FAM13A: variants seen among roughly 807,000 people sequenced by gnomAD.
FAM13A encodes family with sequence similarity 13 member A, also known as protein FAM13A.
Under a neutral mutation model 129.6 loss-of-function variants are expected in FAM13A, and 76 were observed. The ratio of observed to expected loss-of-function variants is 0.59; its 90% CI spans 0.49 to 0.71. FAM13A has a LOEUF of 0.71. Ranked by LOEUF, FAM13A falls within the 30% of genes least tolerant of loss-of-function variation. FAM13A has a pLI of 0.00. For synonymous variants in FAM13A, 443 were observed against 449.9 expected (o/e 0.98, Z 0.20); for missense variants, 1,108 against 1,249.3 (o/e 0.89, Z 1.70).
chr4:88,907,382 T>A (rs1322589360), intron 5 of FAM13A, among the ~76,000 whole-genome samples: 1 of 152,232 alleles, frequency 6.6e-6, no homozygotes, highest in East Asian at 1.9e-4. Flanking sequence ...AAGTTTAGTT[T>A]ATGGCTAATT....
intron 5 of FAM13A, chr4:88,937,219 C>T (rs912645715): frequency 2.0e-5 from 3 of 152,154 alleles, no homozygotes; most frequent in Admixed American, 1.3e-4. Context: ...AAAGTCATGG[C>T]CTCAACTGGG....
chr4:88,816,717 T>C (rs1373381210), intron 7 of FAM13A, among the ~76,000 whole-genome samples: 1 of 152,192 alleles, frequency 6.6e-6, no homozygotes, highest in African/African-American at 2.4e-5. Flanking sequence ...GCCATGATCA[T>C]CAACTTCGTA....
At chr4:88,736,622 T>C (rs1739036539) in intron 21 of FAM13A, 1 of 152,178 alleles carries the variant, frequency 6.6e-6, no homozygotes, top group Non-Finnish European at 1.5e-5. Flanking sequence ...TCTAGAGTTC[T>C]GTATAAGGCA....
chr4:88,753,895 A>T (rs550639243), intron 14 of FAM13A, among the ~76,000 whole-genome samples: 1 of 152,314 alleles, frequency 6.6e-6, no homozygotes, highest in South Asian at 2.1e-4. Context: ...GGTTTTGAGG[A>T]TGTATTCACC....
chr4:88,834,191 C>T (rs1734423730), intron 7 of FAM13A, among the ~76,000 whole-genome samples: 2 of 141,498 alleles, frequency 1.4e-5, no homozygotes, highest in Admixed American at 1.4e-4. Context: ...GGATTATAGG[C>T]GTGAGCCGCC....
At chr4:88,787,655 G>A in intron 10 of FAM13A, 98 bp downstream of exon 10, 1 of 1,094,626 alleles carries the variant, frequency 9.1e-7, no homozygotes, top group Non-Finnish European at 1.3e-6. Flanking sequence ...AATGGGAGAG[G>A]ACCAGGAGGT....
chr4:88,859,172 T>C (rs756124742), intron 6 of FAM13A, among the ~76,000 whole-genome samples: 1 of 152,194 alleles, frequency 6.6e-6, no homozygotes, highest in African/African-American at 2.4e-5. Flanking sequence ...AGGCGATTGC[T>C]AAAGAGGGCT....
At position 89,025,245 on chromosome 4, in the gene FAM13A, G is replaced by GTTTTTTTTTT. The variant is rs56710705; in HGVS notation, c.217+4205_217+4214dup. Among the ~76,000 whole-genome samples, 428 of 61,362 alleles carry GTTTTTTTTTT rather than the reference G, an allele frequency of 7.0e-3. 103 individuals are homozygous for GTTTTTTTTTT. The highest frequency in any genetic ancestry group is 0.034 in the Middle Eastern group (2 of 58). 40.3% of individuals were successfully genotyped at this position (61,362 alleles called of 152,430 possible). A position where few individuals can be genotyped will look rare whatever the true frequency, so the allele number is the denominator to read the frequency against. ...GCTAAAGGTTAACCATGGAATCATT[G>GTTTTTTTTTT]TTTTTTTTTTTTTTTTTTTTTTTTT... On this transcript the variant is annotated intron_variant, in intron 2 of 23. Transcript: ENST00000264344.
At chr4:88,879,528 C>A (rs1198683068) in intron 6 of FAM13A, among the ~76,000 whole-genome samples, 1 of 152,070 alleles carries the variant, frequency 6.6e-6, no homozygotes, top group Non-Finnish European at 1.5e-5. Context: ...AATGTTACTG[C>A]TGTTCACCAA....
chr4:88,883,256 C>A (rs745638904), intron 6 of FAM13A, among the ~76,000 whole-genome samples: 2 of 151,710 alleles, frequency 1.3e-5, no homozygotes, highest in Non-Finnish European at 1.5e-5. Flanking sequence ...ATAGACCACA[C>A]GATAAGCCAC....
At chr4:88,939,743 G>A (rs1471889668) in intron 4 of FAM13A, among the ~76,000 whole-genome samples, 3 of 152,104 alleles carry the variant, frequency 2.0e-5, no homozygotes, top group African/African-American at 4.8e-5. Flanking sequence ...TCTCCCATCG[G>A]CCTTAAAGAT....
At chr4:89,032,600 T>C (rs968473439) in intron 1 of FAM13A, among the ~76,000 whole-genome samples, 5 of 152,226 alleles carry the variant, frequency 3.3e-5, no homozygotes, top group African/African-American at 1.2e-4. Context: ...TATACTTTTT[T>C]ATAATTAAGT....
At chr4:88,851,444 C>A (rs900747584) in intron 6 of FAM13A, among the ~76,000 whole-genome samples, 1 of 151,662 alleles carries the variant, frequency 6.6e-6, no homozygotes, top group African/African-American at 2.4e-5. Context: ...TCTATTCTGG[C>A]AGAAATCTTC....
intron 1 of FAM13A, among the ~76,000 whole-genome samples, chr4:89,040,679 A>T (rs1769993611): frequency 6.6e-6 from 1 of 152,204 alleles, no homozygotes; most frequent in African/African-American, 2.4e-5. Flanking sequence ...GCAGCTTTGG[A>T]AAAGAGCAAA....
At chr4:89,027,392 G>T (rs537532838) in intron 2 of FAM13A, among the ~76,000 whole-genome samples, 11 of 151,992 alleles carry the variant, frequency 7.2e-5, no homozygotes, top group African/African-American at 2.4e-4. Context: ...CCTGTATAAT[G>T]CCAGCTACTC....
intron 6 of FAM13A, among the ~76,000 whole-genome samples, chr4:88,875,464 A>G (rs1742237016): frequency 6.6e-6 from 1 of 152,220 alleles, no homozygotes; most frequent in Non-Finnish European, 1.5e-5. Context: ...AAACAACCCC[A>G]TCAAAAAGTG....
chr4:89,026,001 A>T (rs185032531), intron 2 of FAM13A, among the ~76,000 whole-genome samples: 30 of 152,304 alleles, frequency 2.0e-4, no homozygotes, highest in Admixed American at 1.6e-3. Context: ...AAAATGTAAA[A>T]TTTTTTACAC....
Position 89,006,780 on chromosome 4 carries a change from A to G in FAM13A, c.427+13680T>C, listed in dbSNP as rs141153309. Among the ~76,000 whole-genome samples the G allele has an allele frequency of 5.3e-3, 805 of 152,274 alleles. 7 individuals carry two copies. The highest frequency in any genetic ancestry group is 0.018 in the African/African-American group (749 of 41,552). On this transcript the variant is annotated intron_variant, in intron 3 of 23. Coordinates refer to ENST00000264344, the MANE Select transcript of FAM13A (RefSeq NM_014883.4). ...TATTAAGCAGTGGAAGGTGGCTCTC[A>G]GCGGAAGGAGAGCTAGACAGGGGAT...
intron 4 of FAM13A, among the ~76,000 whole-genome samples, chr4:88,984,801 C>G (rs1762044466): frequency 2.0e-5 from 3 of 152,172 alleles, no homozygotes; most frequent in Non-Finnish European, 2.9e-5. Context: ...ATAAGCACAT[C>G]CCATTGCTGA....
Sources: gnomAD v4.1 joint callset for allele counts (sites outside exome capture counted in the v4.1 genomes callset) on GRCh38, gnomAD v4.1.1 for gene constraint, MANE v1.5 for transcripts, NCBI Gene and HGNC (gene_info 2026-07-23, HGNC 2026-07-21) for gene names.